Variants in TRHDE observed in about 807,000 individuals in gnomAD.
TRHDE encodes thyrotropin releasing hormone degrading enzyme.
Under a neutral mutation model 125.7 loss-of-function variants are expected in TRHDE, and 72 were observed. The ratio of observed to expected loss-of-function variants is 0.57; its 90% CI spans 0.47 to 0.70. The LOEUF (loss-of-function observed/expected upper bound fraction) is 0.70, where lower values mean the gene tolerates loss of function less well. Ranked by LOEUF, TRHDE falls within the 30% of genes least tolerant of loss-of-function variation. The probability of loss-of-function intolerance (pLI) is 0.00; values close to 1 mark genes in which losing one functional copy is unlikely to be tolerated. For synonymous variants in TRHDE, 509 were observed against 509.1 expected (o/e 1.00, Z 0.00); for missense variants, 1,110 against 1,327.1 (o/e 0.84, Z 2.54).
intron 2 of TRHDE, among the ~76,000 whole-genome samples, chr12:72,119,657 T>TG (rs58062950): frequency 6.6e-6 from 1 of 152,212 alleles, no homozygotes; most frequent in Non-Finnish European, 1.5e-5. Flanking sequence ...ATTATTGTAT[T>TG]GGGGTCTATC....
At chr12:72,363,548 A>C (rs1357475022) in intron 2 of TRHDE, among the ~76,000 whole-genome samples, 1 of 152,092 alleles carries the variant, frequency 6.6e-6, no homozygotes, top group Non-Finnish European at 1.5e-5. Flanking sequence ...GATGCAGAAA[A>C]GGCCTTTGAC....
At chr12:72,439,762 G>A (rs1028318493) in intron 3 of TRHDE, among the ~76,000 whole-genome samples, 23 of 151,510 alleles carry the variant, frequency 1.5e-4, no homozygotes, top group African/African-American at 5.3e-4. Context: ...ATTGCTCTGG[G>A]TGGGACCTTC....
chr12:72,145,130 G>A (rs73135430), intron 2 of TRHDE, among the ~76,000 whole-genome samples: 3,822 of 152,262 alleles, frequency 0.025, 59 homozygotes, highest in South Asian at 0.049. Context: ...CTTCTCAGCT[G>A]CACCTGCCCC....
At position 72,666,660 on chromosome 12, in the gene TRHDE, A is replaced by C. The variant is rs1283570925; in HGVS notation, c.*3465A>C. 1 of 152,130 alleles carries C rather than the reference A, an allele frequency of 6.6e-6. No homozygotes were observed. Among genetic ancestry groups the C allele is most frequent in the Non-Finnish European group, 1.5e-5 (1 of 68,004 alleles). 9.4% of individuals were successfully genotyped at this position (152,130 alleles called of 1,614,324 possible). ...TAAAATATAAATATATGTTGAAAAT[A>C]TCTCTATCGATTGCATTAATTGGAG... On this transcript the variant is annotated 3_prime_UTR_variant, in exon 19 of 19. Coordinates refer to ENST00000261180, the MANE Select transcript of TRHDE (RefSeq NM_013381.3).
chr12:72,637,945 AGGTGT>A (rs1873841349), intron 15 of TRHDE, among the ~76,000 whole-genome samples: 1 of 152,078 alleles, frequency 6.6e-6, no homozygotes, highest in Non-Finnish European at 1.5e-5. Context: ...GTTTTGGAAT[AGGTGT>A]GGTGTGGTGC....
At chr12:72,488,397 C>T (rs1877510803) in intron 5 of TRHDE, among the ~76,000 whole-genome samples, 1 of 151,976 alleles carries the variant, frequency 6.6e-6, no homozygotes, top group Non-Finnish European at 1.5e-5. Context: ...AAATCACAAA[C>T]AATCAAAAGA....
rs1875956348 is a variant in TRHDE at position 72,458,264 on chromosome 12, T to C, written c.1316-11494T>C. On this transcript the variant is annotated intron_variant, in intron 3 of 18. Transcript: ENST00000261180. ...ATTAAAATTCAACTACTTGATTATA[T>C]ATTGCCGGTGTTTTATAAATATACC... is the stretch of plus-strand genomic sequence containing the variant. 1.3e-5 allele frequency among the ~76,000 whole-genome samples: 2 copies of C among 152,214 alleles called. 1 individual carries two copies. Among genetic ancestry groups the C allele is most frequent in the South Asian group, 4.1e-4 (2 of 4,834 alleles).
intron 6 of TRHDE, among the ~76,000 whole-genome samples, chr12:72,508,013 G>A (rs759113842): frequency 1.1e-4 from 16 of 152,240 alleles, no homozygotes; most frequent in Non-Finnish European, 1.9e-4. Context: ...TGTTAAGCCT[G>A]TGGGTGCAAA....
In TRHDE at chr12:72,550,881, T is replaced by C. The variant is rs143159467; in HGVS notation, c.1788+8525T>C. On this transcript the variant is annotated intron_variant, in intron 7 of 18. Coordinates refer to ENST00000261180, the MANE Select transcript of TRHDE (RefSeq NM_013381.3). Reference sequence around the variant, plus strand: ...TTATAAATTTTCAAAATAAATTTCTTACTAATTTAGCAAGTAAAAAACTTT... The same window carrying C: ...TTATAAATTTTCAAAATAAATTTCTCACTAATTTAGCAAGTAAAAAACTTT... 2.5e-3 allele frequency among the ~76,000 whole-genome samples: 384 copies of C among 152,102 alleles called. 1 individual carries two copies. Among genetic ancestry groups the C allele is most frequent in the South Asian group, 5.0e-3 (24 of 4,824 alleles).
In TRHDE at chr12:72,097,072, A is replaced by G. The variant is rs1740107599; in HGVS notation, n.175-8576A>G. ...TGCCCACCTTCATACCTGAGTTTGGATTGTTCTCTATCAACCCACATGTAC... is the reference window on the plus strand; with the variant it reads ...TGCCCACCTTCATACCTGAGTTTGGGTTGTTCTCTATCAACCCACATGTAC... On this transcript the variant is annotated intron_variant and non_coding_transcript_variant, in intron 1 of 4. Coordinates refer to the TRHDE transcript ENST00000548156. Among the ~76,000 whole-genome samples, 3 of 152,208 alleles carry G rather than the reference A, an allele frequency of 2.0e-5. No individual in the cohort carries two copies. The South Asian group carries it at 6.2e-4, about 31-fold the overall frequency.
At chr12:72,208,887 T>C (rs1471352070) in intron 2 of TRHDE, among the ~76,000 whole-genome samples, 1 of 152,180 alleles carries the variant, frequency 6.6e-6, no homozygotes, top group Non-Finnish European at 1.5e-5. Context: ...CAGCAGGTTG[T>C]TAAAACATCC....
At chr12:72,590,917 ATTAC>A (rs1422021489) in intron 12 of TRHDE, among the ~76,000 whole-genome samples, 2 of 152,032 alleles carry the variant, frequency 1.3e-5, no homozygotes, top group African/African-American at 4.8e-5. Context: ...TAATTTCAGA[ATTAC>A]TTTTTGTTTT....
At chr12:72,386,906 A>G (rs1237591828) in intron 3 of TRHDE, among the ~76,000 whole-genome samples, 3 of 151,564 alleles carry the variant, frequency 2.0e-5, no homozygotes, top group Non-Finnish European at 4.4e-5. Context: ...CCCATTGGCC[A>G]CTCTTTCTAA....
At chr12:72,095,803 C>T (rs1566210832) in intron 1 of TRHDE, among the ~76,000 whole-genome samples, 1 of 152,160 alleles carries the variant, frequency 6.6e-6, no homozygotes, top group South Asian at 2.1e-4. Context: ...GACTGCAGGT[C>T]CGAGATATGT....
intron 12 of TRHDE, chr12:72,610,556 C>T (rs1017068621): frequency 1.3e-5 from 2 of 152,182 alleles, no homozygotes; most frequent in African/African-American, 4.8e-5. Context: ...GAAAAACAAT[C>T]TGAGCTCCCA....
intron 2 of TRHDE, among the ~76,000 whole-genome samples, chr12:72,372,373 T>G (rs932120375): frequency 2.0e-5 from 3 of 152,110 alleles, no homozygotes; most frequent in Non-Finnish European, 4.4e-5. Flanking sequence ...TTCTTTTGTG[T>G]GCAGAAGCTC....
intron 2 of TRHDE, among the ~76,000 whole-genome samples, chr12:72,290,312 T>C (rs1249895998): frequency 6.6e-6 from 1 of 152,224 alleles, no homozygotes; most frequent in East Asian, 1.9e-4. Context: ...GATTTTAGAA[T>C]CAGATTAGTC....
At chr12:72,481,375 TA>T (rs748910207) in intron 5 of TRHDE, among the ~76,000 whole-genome samples, 13,991 of 140,860 alleles carry the variant, frequency 0.099, 853 homozygotes, top group African/African-American at 0.18. Context: ...AAGAGAAAGT[TA>T]AAAAAAAAAA....
At chr12:72,119,304 T>G (rs1281728237) in intron 2 of TRHDE, among the ~76,000 whole-genome samples, 1 of 152,226 alleles carries the variant, frequency 6.6e-6, no homozygotes. Flanking sequence ...CACTGGTCAC[T>G]CAGGAGCATA....
Sources: gnomAD v4.1 joint callset for allele counts (sites outside exome capture counted in the v4.1 genomes callset) on GRCh38, gnomAD v4.1.1 for gene constraint, MANE v1.5 for transcripts, NCBI Gene and HGNC (gene_info 2026-07-23, HGNC 2026-07-21) for gene names.